Variants in SEC61A2 observed in about 807,000 individuals in gnomAD.
SEC61A2 encodes SEC61 translocon subunit alpha 2, also known as protein transport protein Sec61 subunit alpha isoform 2.
SEC61A2 carries 28 observed loss-of-function variants against 59.9 expected under a neutral mutation model. That is an observed-to-expected ratio of 0.47 (90% confidence interval 0.35 to 0.64). SEC61A2 has a LOEUF of 0.64. Among genes scored for constraint, SEC61A2 ranks in the 30% least tolerant of loss-of-function variants. The probability of loss-of-function intolerance (pLI) is 0.01; values close to 1 mark genes in which losing one functional copy is unlikely to be tolerated. For synonymous variants in SEC61A2, 202 were observed against 214.4 expected, an observed-to-expected ratio of 0.94 and a Z score of 0.50; for missense variants, 340 against 585.9, an observed-to-expected ratio of 0.58 and a Z score of 4.33.
Position 12,164,906 on chromosome 10 carries a change from A to T in SEC61A2, c.*452A>T. 2.0e-6 allele frequency: 2 copies of T among 976,782 alleles called. No homozygotes were observed. The highest frequency in any genetic ancestry group is 9.5e-5 in the South Asian group (2 of 21,136). 60.5% of individuals were successfully genotyped at this position (976,782 alleles called of 1,614,324 possible). A position where few individuals can be genotyped will look rare whatever the true frequency, so the allele number is the denominator to read the frequency against. On this transcript the variant is annotated 3_prime_UTR_variant, in exon 12 of 12. Transcript: ENST00000298428. This position sits in a 1 kb window ranked among gnomAD's most constrained non-coding sequence, Gnocchi z 7.3. ...TCTATATTTTAGATAATTACTTTTT[A>T]TACTTTTTTAACTCATGGTATCCCC... is the stretch of plus-strand genomic sequence containing the variant.
At chr10:12,141,877 C>T (rs113069351) in intron 3 of SEC61A2, among the ~76,000 whole-genome samples, 373 of 152,208 alleles carry the variant, frequency 2.5e-3, no homozygotes, top group African/African-American at 8.6e-3. Context: ...CAAAATGACC[C>T]GCAAACACTG....
intron 2 of SEC61A2, among the ~76,000 whole-genome samples, chr10:12,133,560 T>C (rs1833812974): frequency 6.6e-6 from 1 of 152,256 alleles, no homozygotes; most frequent in South Asian, 2.1e-4. Flanking sequence ...TTCTTCGGCC[T>C]ATGTGTTAGT....
chr10:12,169,222 C>T (rs1228296914), downstream of SEC61A2: 2 of 1,411,096 alleles, frequency 1.4e-6, no homozygotes, highest in South Asian at 2.5e-5. The surrounding 1 kb of genome is among the most constrained non-coding windows in gnomAD (Gnocchi z 4.8). Flanking sequence ...TCTCCACCTC[C>T]CCTCACTTAT....
At chr10:12,167,042 T>A (rs1307273631), downstream of SEC61A2, 1 of 188,072 alleles carries the variant, frequency 5.3e-6, no homozygotes, top group Non-Finnish European at 1.1e-5. Flanking sequence ...CACGTGCAGA[T>A]GCTTGCGGGA....
chr10:12,148,239 ATTTTTTTT>A (rs66965878), intron 4 of SEC61A2, among the ~76,000 whole-genome samples: 1 of 97,406 alleles, frequency 1.0e-5, no homozygotes, highest in Admixed American at 1.2e-4. Flanking sequence ...ATGCCCGGCC[ATTTTTTTT>A]TTTTTTTTTT....
chr10:12,155,671 G>A lies in SEC61A2; in HGVS notation c.463-107G>A. On this transcript the variant is annotated intron_variant, in intron 6 of 11. Coordinates refer to ENST00000298428, the MANE Select transcript of SEC61A2 (RefSeq NM_018144.4). This position sits in a 1 kb window ranked among gnomAD's most constrained non-coding sequence, Gnocchi z 4.3. ...ATCACAGTGAGATTGCAACGATCAGGCCTTAATATTCAAAACGCCCCTAGC... is the reference window on the plus strand; with the variant it reads ...ATCACAGTGAGATTGCAACGATCAGACCTTAATATTCAAAACGCCCCTAGC... 7.8e-7 allele frequency: 1 copy of A among 1,284,976 alleles called. No homozygotes were observed. The highest frequency in any genetic ancestry group is 1.3e-5 in the South Asian group (1 of 76,452). 79.6% of individuals were successfully genotyped at this position (1,284,976 alleles called of 1,614,324 possible).
chr10:12,148,282 G>A (rs1314588447), intron 4 of SEC61A2, among the ~76,000 whole-genome samples: 1 of 109,638 alleles, frequency 9.1e-6, no homozygotes, highest in Non-Finnish European at 1.8e-5. Flanking sequence ...TTTCGCTCTT[G>A]TTGCCCAGGC....
chr10:12,137,042 A>T (rs1833905911), intron 3 of SEC61A2, among the ~76,000 whole-genome samples: 1 of 152,168 alleles, frequency 6.6e-6, no homozygotes, highest in Non-Finnish European at 1.5e-5. Flanking sequence ...CTGGGATTAC[A>T]GGCGTGAGCC....
chr10:12,130,383 C>T (rs1833705142), intron 1 of SEC61A2, among the ~76,000 whole-genome samples: 1 of 152,162 alleles, frequency 6.6e-6, no homozygotes, highest in Non-Finnish European at 1.5e-5. Flanking sequence ...CTCAACCCCA[C>T]ATATGTGCAC....
intron 2 of SEC61A2, among the ~76,000 whole-genome samples, chr10:12,134,139 TG>T (rs1391931128): frequency 2.3e-4 from 30 of 132,338 alleles, no homozygotes; most frequent in South Asian, 1.2e-3. Flanking sequence ...CCCGAGTAGC[TG>T]GGACTACAGG....
chr10:12,155,593 C>T lies in SEC61A2; in HGVS notation c.463-185C>T, dbSNP rs1335500531. On this transcript the variant is annotated intron_variant, in intron 6 of 11. Coordinates refer to ENST00000298428, the MANE Select transcript of SEC61A2 (RefSeq NM_018144.4). This position sits in a 1 kb window ranked among gnomAD's most constrained non-coding sequence, Gnocchi z 4.3. The stretch of plus-strand genomic sequence containing the variant: ...TACAACAGTATTTCCAGTCCTCTTA[C>T]TGTTCTAGATTGGCCTGAGTAAATG... Among the ~76,000 whole-genome samples, 2 of 152,152 alleles carry T rather than the reference C, an allele frequency of 1.3e-5. No homozygotes were observed. The highest frequency in any genetic ancestry group is 3.8e-4 in the East Asian group (2 of 5,200).
rs936918134 is a variant in SEC61A2 at position 12,156,421 on chromosome 10, C to A, written c.617-486C>A. Among the ~76,000 whole-genome samples the A allele has an allele frequency of 6.6e-6, 1 of 152,202 alleles. No homozygotes were observed. Among genetic ancestry groups the A allele is most frequent in the African/African-American group, 2.4e-5 (1 of 41,436 alleles). On this transcript the variant is annotated intron_variant, in intron 7 of 11. Transcript: ENST00000298428. The surrounding 1 kb of genome is among the most constrained non-coding windows in gnomAD (Gnocchi z 5.2). ...TCCTCATCTCCACTTCTAACAGATA[C>A]TGTCCTAAGTGGTTAATACCTAAAC...
chr10:12,138,381 T>C (rs546167997), intron 3 of SEC61A2, among the ~76,000 whole-genome samples: 1 of 152,314 alleles, frequency 6.6e-6, no homozygotes, highest in South Asian at 2.1e-4. Flanking sequence ...AAAGTCAACC[T>C]TGTGGAGGTA....
In SEC61A2 at chr10:12,149,545, T is replaced by G; in HGVS notation, c.221-50T>G. The G allele has an allele frequency of 6.5e-7, 1 of 1,528,720 alleles. No individual in the cohort carries two copies. The highest frequency in any genetic ancestry group is 8.8e-7 in the Non-Finnish European group (1 of 1,139,876). 94.7% of individuals were successfully genotyped at this position (1,528,720 alleles called of 1,614,324 possible). On this transcript the variant is annotated intron_variant, in intron 4 of 11. Transcript: ENST00000298428. The surrounding 1 kb of genome is among the most constrained non-coding windows in gnomAD (Gnocchi z 5.2). ...GGGAGTGCGACACCTCTAAATCAGT[T>G]TGTATCGTGTACAGCAAACATTGCA...
At chr10:12,146,416 TG>T (rs1834138499) in intron 4 of SEC61A2, among the ~76,000 whole-genome samples, 1 of 152,200 alleles carries the variant, frequency 6.6e-6, no homozygotes, top group African/African-American at 2.4e-5. Context: ...GTTTGGATGC[TG>T]GGGGCCTACT....
chr10:12,134,570 G>T (rs1793021987), intron 2 of SEC61A2, among the ~76,000 whole-genome samples: 1 of 152,104 alleles, frequency 6.6e-6, no homozygotes, highest in South Asian at 2.1e-4. Context: ...GAAAAGTAAA[G>T]AAACTTATAT....
At chr10:12,133,948 A>T (rs1256354842) in intron 2 of SEC61A2, among the ~76,000 whole-genome samples, 1 of 152,232 alleles carries the variant, frequency 6.6e-6, no homozygotes, top group Non-Finnish European at 1.5e-5. Context: ...ACTAACAGGA[A>T]TAGGGACATA....
downstream of SEC61A2, among the ~76,000 whole-genome samples, chr10:12,168,162 C>T (rs571103641): frequency 1.1e-4 from 16 of 152,052 alleles, no homozygotes; most frequent in African/African-American, 2.4e-4. The surrounding 1 kb of genome is among the most constrained non-coding windows in gnomAD (Gnocchi z 4.8). Flanking sequence ...GTAGCTGGGA[C>T]TATAGGCGCA....
chr10:12,137,206 A>G (rs1291267145), intron 3 of SEC61A2, among the ~76,000 whole-genome samples: 1 of 152,078 alleles, frequency 6.6e-6, no homozygotes, highest in Non-Finnish European at 1.5e-5. Context: ...ATGTCTGGCT[A>G]ATTTTTCAAT....
Sources: allele counts gnomAD v4.1 joint callset (sites outside exome capture counted in the v4.1 genomes callset), GRCh38; gene constraint gnomAD v4.1.1; non-coding constraint Gnocchi (gnomAD v3.1); transcripts MANE v1.5; gene names NCBI Gene and HGNC (gene_info 2026-07-23, HGNC 2026-07-21).